SNX24: variants seen among roughly 807,000 people sequenced by gnomAD.
SNX24 encodes sorting nexin-24.
In SNX24, 22 loss-of-function variants were observed where a neutral mutation model predicts 28.7. That is an observed-to-expected ratio of 0.77 (90% CI 0.55 to 1.10). The LOEUF (loss-of-function observed/expected upper bound fraction) is 1.10, where lower values mean the gene tolerates loss of function less well. Among genes scored for constraint, SNX24 ranks in the 50% least tolerant of loss-of-function variants. The pLI is 0.00. For missense variants in SNX24, 221 were observed against 201.1 expected, an observed-to-expected ratio of 1.10 and a Z score of -0.60; for synonymous variants, 69 against 71.5, an observed-to-expected ratio of 0.96 and a Z score of 0.18.
chr5:122,895,844 A>G (rs1212486407), intron 1 of SNX24, among the ~76,000 whole-genome samples: 1 of 152,206 alleles, frequency 6.6e-6, no homozygotes, highest in South Asian at 2.1e-4. Context: ...CAGTACAGAA[A>G]TGATACAGAA....
chr5:123,012,725 G>A (rs1187739900), downstream of SNX24, among the ~76,000 whole-genome samples: 2 of 152,346 alleles, frequency 1.3e-5, no homozygotes, highest in East Asian at 1.9e-4. Flanking sequence ...GAATAAGGCT[G>A]TACTGATCAG....
At chr5:122,953,110 C>CTT (rs35653842) in intron 3 of SNX24, among the ~76,000 whole-genome samples, 5 of 141,560 alleles carry the variant, frequency 3.5e-5, no homozygotes, top group African/African-American at 5.2e-5. Flanking sequence ...CCTTTCCTTT[C>CTT]TTTTTTTTTT....
intron 1 of SNX24, among the ~76,000 whole-genome samples, chr5:122,871,154 ATAT>A (rs1755957350): frequency 6.6e-6 from 1 of 152,196 alleles, no homozygotes; most frequent in African/African-American, 2.4e-5. Context: ...GCCCCAGCAC[ATAT>A]TATTAATAAG....
chr5:122,944,537 C>CT (rs1275794085), intron 2 of SNX24, among the ~76,000 whole-genome samples: 1 of 152,176 alleles, frequency 6.6e-6, no homozygotes, highest in Non-Finnish European at 1.5e-5. Context: ...GTAAGTGACT[C>CT]TAAAACCAAA....
At chr5:122,911,236 T>C (rs1757873983) in intron 1 of SNX24, among the ~76,000 whole-genome samples, 1 of 152,276 alleles carries the variant, frequency 6.6e-6, no homozygotes, top group Non-Finnish European at 1.5e-5. Flanking sequence ...TGAGCATTTT[T>C]TCATGTGTCT....
intron 1 of SNX24, among the ~76,000 whole-genome samples, chr5:122,908,378 A>G (rs1277792811): frequency 6.6e-6 from 1 of 152,208 alleles, no homozygotes; most frequent in Non-Finnish European, 1.5e-5. Flanking sequence ...TACAATAGAC[A>G]TGGTTGACAG....
At chr5:122,891,324 A>T (rs1233314445) in intron 1 of SNX24, among the ~76,000 whole-genome samples, 1 of 152,206 alleles carries the variant, frequency 6.6e-6, no homozygotes, top group East Asian at 1.9e-4. Flanking sequence ...GTGTTAAATT[A>T]AAAAAGCAAG....
intron 4 of SNX24, among the ~76,000 whole-genome samples, chr5:123,000,863 T>G (rs1762221409): frequency 6.6e-6 from 1 of 152,124 alleles, no homozygotes; most frequent in African/African-American, 2.4e-5. Flanking sequence ...GGAACCACAC[T>G]TAACTACAAG....
At chr5:122,917,490 C>T (rs1399693928) in intron 1 of SNX24, among the ~76,000 whole-genome samples, 3 of 151,914 alleles carry the variant, frequency 2.0e-5, no homozygotes, top group Non-Finnish European at 4.4e-5. Flanking sequence ...TGTTTGCTTG[C>T]CTGGTTCTGT....
chr5:122,964,247 C>CAAAAAAAAAAAAAAAA (rs34174497), intron 3 of SNX24, among the ~76,000 whole-genome samples: 7 of 36,578 alleles, frequency 1.9e-4, no homozygotes, highest in African/African-American at 3.3e-4. Context: ...GACTCCATCT[C>CAAAAAAAAAAAAAAAA]AAAAAAAAAA....
chr5:122,945,158 T>C (rs12515612), intron 2 of SNX24, among the ~76,000 whole-genome samples: 5,872 of 152,264 alleles, frequency 0.039, 176 homozygotes, highest in East Asian at 0.1. Flanking sequence ...CCTTGGCTCG[T>C]GGCCTCTTTC....
intron 3 of SNX24, among the ~76,000 whole-genome samples, chr5:122,985,962 A>G (rs1761586625): frequency 1.3e-5 from 2 of 152,216 alleles, no homozygotes; most frequent in Non-Finnish European, 2.9e-5. Context: ...TATCAAGGAA[A>G]TAATTGCTAG....
intron 1 of SNX24, among the ~76,000 whole-genome samples, chr5:122,920,086 G>T (rs1359884769): frequency 6.6e-6 from 1 of 152,210 alleles, no homozygotes; most frequent in Non-Finnish European, 1.5e-5. Flanking sequence ...CAGGTAGATT[G>T]TCATGTACAG....
intron 3 of SNX24, among the ~76,000 whole-genome samples, chr5:122,965,108 CTG>C (rs1360139927): frequency 6.6e-6 from 1 of 152,216 alleles, no homozygotes; most frequent in Non-Finnish European, 1.5e-5. Flanking sequence ...TCATTAAACA[CTG>C]TGTAACTGGT....
chr5:123,015,277 G>A (rs76601844), intron 5 of SNX24, among the ~76,000 whole-genome samples: 2,688 of 152,274 alleles, frequency 0.018, 39 homozygotes, highest in Non-Finnish European at 0.026. Flanking sequence ...CATAGCAGGG[G>A]TTTCAGAACT....
intron 1 of SNX24, among the ~76,000 whole-genome samples, chr5:122,853,127 T>G (rs1305114495): frequency 7.6e-6 from 1 of 132,026 alleles, no homozygotes; most frequent in African/African-American, 3.1e-5. Context: ...TTTTTTTTTT[T>G]TTTTTTTTTT....
chr5:122,916,726 A>G (rs1168272797), intron 1 of SNX24, among the ~76,000 whole-genome samples: 2 of 152,206 alleles, frequency 1.3e-5, no homozygotes, highest in African/African-American at 4.8e-5. Flanking sequence ...TTTTCCCAAA[A>G]TACAATCTCT....
At chr5:122,846,353 C>T (rs1754636230) in intron 1 of SNX24, among the ~76,000 whole-genome samples, 1 of 151,930 alleles carries the variant, frequency 6.6e-6, no homozygotes, top group Non-Finnish European at 1.5e-5. Context: ...TTGAGCAACA[C>T]GTTTACTAAG....
chr5:122,954,616 A>G (rs1174960137), intron 3 of SNX24, among the ~76,000 whole-genome samples: 6 of 151,874 alleles, frequency 4.0e-5, no homozygotes, highest in African/African-American at 1.5e-4. Context: ...GGGCCTTACA[A>G]TATTTTAACT....
Sources: gnomAD v4.1 joint callset for allele counts (sites outside exome capture counted in the v4.1 genomes callset) on GRCh38, gnomAD v4.1.1 for gene constraint, MANE v1.5 for transcripts, NCBI Gene and HGNC (gene_info 2026-07-23, HGNC 2026-07-21) for gene names.